TNRC6C: variants seen among roughly 807,000 people sequenced by gnomAD.
The protein encoded by TNRC6C is trinucleotide repeat containing adaptor 6C.
A neutral mutation model predicts 153.7 loss-of-function variants in TNRC6C; 20 were observed. The ratio of observed to expected loss-of-function variants is 0.13; its 90% CI spans 0.09 to 0.19. TNRC6C has a LOEUF of 0.19. Ranked by LOEUF, TNRC6C falls within the 10% of genes least tolerant of loss-of-function variation. The probability of loss-of-function intolerance (pLI) is 1.00; values close to 1 mark genes in which losing one functional copy is unlikely to be tolerated. For missense variants in TNRC6C, 1,987 were observed against 2,172.0 expected (o/e 0.91, Z 1.69); for synonymous variants, 811 against 841.4 (o/e 0.96, Z 0.63).
intron 2 of TNRC6C, among the ~76,000 whole-genome samples, chr17:78,036,157 G>A (rs2072174024): frequency 6.6e-6 from 1 of 152,178 alleles, no homozygotes; most frequent in African/African-American, 2.4e-5. Context: ...AGTGAAGCTT[G>A]GAGTTCTTTC....
At chr17:78,035,953 C>T (rs555767330) in intron 2 of TNRC6C, among the ~76,000 whole-genome samples, 11 of 152,120 alleles carry the variant, frequency 7.2e-5, no homozygotes, top group African/African-American at 2.4e-4. Context: ...GGAAGTGACT[C>T]CTACGGTCAC....
chr17:78,048,781 A>G (rs1199291984), intron 2 of TNRC6C, 64 bp from the exon 5 acceptor site: 6 of 1,224,486 alleles, frequency 4.9e-6, no homozygotes, highest in African/African-American at 1.6e-5. Flanking sequence ...AAGACTAGTT[A>G]ACAGTTGATT....
chr17:78,030,325 CG>C (rs2072043579), intron 1 of TNRC6C, among the ~76,000 whole-genome samples: 11 of 149,752 alleles, frequency 7.3e-5, no homozygotes, highest in African/African-American at 2.7e-4. Context: ...TGTGTGTGTG[CG>C]TGTGTGTGTG....
rs1461497201 is a variant in TNRC6C, at chr17:78,006,521, TC to T, written c.-546+1443del. Among the ~76,000 whole-genome samples, 28 of 138,454 alleles carry T rather than the reference TC, an allele frequency of 2.0e-4. No homozygotes were observed. In the East Asian group the frequency reaches 5.7e-3, roughly 28 times the overall value. The allele number at this position is 138,454 out of a possible 152,430, so 90.8% of individuals were successfully genotyped here. A position where few individuals can be genotyped will look rare whatever the true frequency, so the allele number is the denominator to read the frequency against. ...TTCTTCTTCTTCTTCTTCTTCTTCT[TC>T]TTCTTCTTCTTCTTCTTCTTCTTCT... On this transcript the variant is annotated intron_variant, in intron 1 of 19. Transcript: ENST00000301624.
At chr17:78,068,976 A>G (rs1598753624) in intron 5 of TNRC6C, among the ~76,000 whole-genome samples, 1 of 152,326 alleles carries the variant, frequency 6.6e-6, no homozygotes, top group Non-Finnish European at 1.5e-5. Context: ...AAAATATGAA[A>G]ACATGAAAGA....
chr17:77,974,756 T>C (rs1226987086), intron 1 of TNRC6C, among the ~76,000 whole-genome samples: 3 of 152,238 alleles, frequency 2.0e-5, no homozygotes, highest in Non-Finnish European at 2.9e-5. Context: ...GTTTCTCTGC[T>C]ATGTTTCCAA....
At chr17:77,990,698 T>C (rs2071237034) in intron 1 of TNRC6C, among the ~76,000 whole-genome samples, 1 of 152,210 alleles carries the variant, frequency 6.6e-6, no homozygotes, top group Non-Finnish European at 1.5e-5. Context: ...GTCTTTCCCA[T>C]AGAATTAGGT....
intron 1 of TNRC6C, among the ~76,000 whole-genome samples, chr17:77,986,990 A>G (rs1423393662): frequency 6.6e-6 from 1 of 152,254 alleles, no homozygotes; most frequent in Non-Finnish European, 1.5e-5. Flanking sequence ...AATAGTTCCT[A>G]CAAATACAAG....
At chr17:78,103,703 A>G (rs2073638317) in intron 19 of TNRC6C, 150 bp downstream of exon 22, 1 of 1,185,140 alleles carries the variant, frequency 8.4e-7, no homozygotes, top group African/African-American at 1.5e-5. Context: ...GAAGTCTGAT[A>G]CCCAAGATGA....
intron 14 of TNRC6C, among the ~76,000 whole-genome samples, chr17:78,092,012 G>A (rs1162801233): frequency 6.6e-6 from 1 of 152,156 alleles, no homozygotes; most frequent in Non-Finnish European, 1.5e-5. Context: ...GTGCATTTCT[G>A]TTGGTTATTC....
At position 78,051,001 on chromosome 17, in the gene TNRC6C, A is replaced by T. The variant is rs1173392826; in HGVS notation, c.1939A>T (p.Thr647Ser). 3.1e-6 allele frequency: 5 copies of T among 1,613,926 alleles called. No individual in the cohort carries two copies. In the East Asian group the frequency reaches 8.9e-5, roughly 29 times the overall value. The change falls in exon 3 of 20, where the codon ACA becomes TCA. Residue 647 changes from threonine (T) to serine (S), a missense_variant. Around this residue, in one of 4 missense-constraint regions of TNRC6C, gnomAD observed 1,052 missense variants for 1,017.0 expected, o/e 1.03. Coordinates refer to ENST00000301624, the Ensembl canonical transcript of TNRC6C. ...CAGTGGCTGGGGCAACAGCACAAATACAAAGGCCAATCCAGGTACAAACTG... is the reference window on the plus strand; with the variant it reads ...CAGTGGCTGGGGCAACAGCACAAATTCAAAGGCCAATCCAGGTACAAACTG...
At chr17:78,041,893 A>G (rs1253424800) in intron 2 of TNRC6C, among the ~76,000 whole-genome samples, 4 of 152,200 alleles carry the variant, frequency 2.6e-5, no homozygotes, top group African/African-American at 9.6e-5. Flanking sequence ...CACATTTACT[A>G]TTTGTCAGTG....
At chr17:77,983,729 T>G (rs1175956175) in intron 1 of TNRC6C, among the ~76,000 whole-genome samples, 3 of 152,216 alleles carry the variant, frequency 2.0e-5, no homozygotes, top group Admixed American at 2.0e-4. Context: ...AGCATATTTT[T>G]TCTTGTGTCT....
chr17:78,089,930 A>T (rs922297713), intron 13 of TNRC6C, among the ~76,000 whole-genome samples: 4 of 151,956 alleles, frequency 2.6e-5, no homozygotes, highest in Admixed American at 2.6e-4. Flanking sequence ...CCCAGAGGGG[A>T]AAGTTGGGAG....
At chr17:78,083,262 C>T (rs761782430) in intron 11 of TNRC6C, 96 bp downstream of exon 13, 246 of 1,519,034 alleles carry the variant, frequency 1.6e-4, no homozygotes, top group Non-Finnish European at 2.0e-4. Flanking sequence ...TTTGTCTTCA[C>T]GTCAGGGATG....
chr17:78,014,101 A>G (rs1257375951), intron 1 of TNRC6C, among the ~76,000 whole-genome samples: 2 of 152,152 alleles, frequency 1.3e-5, no homozygotes. Context: ...GATTACTGCT[A>G]TTTCCCAATT....
At chr17:77,989,183 G>A (rs1333117508) in intron 1 of TNRC6C, among the ~76,000 whole-genome samples, 1 of 152,236 alleles carries the variant, frequency 6.6e-6, no homozygotes, top group Non-Finnish European at 1.5e-5. Context: ...TTTGTTTAGG[G>A]ATGTCATGTG....
intron 1 of TNRC6C, among the ~76,000 whole-genome samples, chr17:77,977,947 G>A (rs1201169298): frequency 1.4e-5 from 2 of 144,302 alleles, no homozygotes; most frequent in Admixed American, 1.4e-4. Context: ...GCAGGCTGGA[G>A]TGCAGTGGCG....
intron 1 of TNRC6C, among the ~76,000 whole-genome samples, chr17:78,010,976 C>A (rs1257354250): frequency 6.6e-6 from 1 of 152,126 alleles, no homozygotes; most frequent in Non-Finnish European, 1.5e-5. Flanking sequence ...GCTCCGGGGG[C>A]GCCTCCCGAG....
Sources: allele counts gnomAD v4.1 joint callset (sites outside exome capture counted in the v4.1 genomes callset), GRCh38; gene constraint gnomAD v4.1.1; regional missense constraint gnomAD v4.1.1; transcripts MANE v1.5; gene names NCBI Gene and HGNC (gene_info 2026-07-23, HGNC 2026-07-21).